Variants in BTBD9 observed in about 807,000 individuals in gnomAD.
BTBD9 encodes BTB domain containing 9, also known as BTB/POZ domain-containing protein 9.
Under a neutral mutation model 64.3 loss-of-function variants are expected in BTBD9, and 49 were observed. The ratio of observed to expected loss-of-function variants is 0.76; its 90% confidence interval spans 0.61 to 0.97. The LOEUF (loss-of-function observed/expected upper bound fraction) is 0.97, where lower values mean the gene tolerates loss of function less well. BTBD9 is among the 50% of genes least tolerant of loss of function. The pLI, the probability that BTBD9 is intolerant of heterozygous loss-of-function variation, is 0.00. For synonymous variants in BTBD9, 260 were observed against 274.7 expected (o/e 0.95, Z 0.53); for missense variants, 598 against 762.1 (o/e 0.78, Z 2.53).
chr6:38,480,083 G>T (rs75049678), intron 6 of BTBD9, among the ~76,000 whole-genome samples: 1 of 152,148 alleles, frequency 6.6e-6, no homozygotes, highest in Non-Finnish European at 1.5e-5. Flanking sequence ...AAGAGAAATA[G>T]AAGGGAAAAA....
At chr6:38,294,025 A>G (rs1762067334) in intron 7 of BTBD9, among the ~76,000 whole-genome samples, 2 of 152,228 alleles carry the variant, frequency 1.3e-5, no homozygotes, top group Admixed American at 1.3e-4. Flanking sequence ...ATGAACAGAC[A>G]CTTCTCAAAA....
intron 9 of BTBD9, among the ~76,000 whole-genome samples, chr6:38,205,896 G>GA (rs1180001207): frequency 4.1e-5 from 4 of 97,388 alleles, no homozygotes; most frequent in Non-Finnish European, 5.9e-5. Flanking sequence ...AAAAAAGAAA[G>GA]AAAGAAAGAA....
chr6:38,439,518 C>G (rs1218620379), intron 6 of BTBD9, among the ~76,000 whole-genome samples: 1 of 151,986 alleles, frequency 6.6e-6, no homozygotes, highest in African/African-American at 2.4e-5. Context: ...CCTCTGCCTC[C>G]CGGGCTCAAG....
At chr6:38,310,455 T>C (rs1392691217) in intron 7 of BTBD9, among the ~76,000 whole-genome samples, 2 of 152,104 alleles carry the variant, frequency 1.3e-5, no homozygotes, top group Non-Finnish European at 2.9e-5. Flanking sequence ...ATATATAATT[T>C]ATACTATGTT....
intron 7 of BTBD9, among the ~76,000 whole-genome samples, chr6:38,302,485 G>GTATGTGTGTGTGTGTATATATATATA (rs1384155514): frequency 6.5e-5 from 7 of 106,890 alleles, no homozygotes; most frequent in African/African-American, 2.5e-4. Context: ...TTGTGTGTAT[G>GTATGTGTGTGTGTGTATATATATATA]TATATATATA....
chr6:38,431,731 T>C (rs1768452551), intron 6 of BTBD9, among the ~76,000 whole-genome samples: 2 of 152,034 alleles, frequency 1.3e-5, no homozygotes, highest in South Asian at 2.1e-4. Flanking sequence ...GACTGATAAA[T>C]GAATAGTGTA....
At chr6:38,256,926 G>T (rs1243626806) in intron 8 of BTBD9, among the ~76,000 whole-genome samples, 1 of 152,124 alleles carries the variant, frequency 6.6e-6, no homozygotes, top group Non-Finnish European at 1.5e-5. Context: ...CTGTCACCCT[G>T]GCTGGAGTGC....
At chr6:38,428,119 G>C (rs909560103) in intron 6 of BTBD9, among the ~76,000 whole-genome samples, 9 of 151,848 alleles carry the variant, frequency 5.9e-5, no homozygotes, top group African/African-American at 2.2e-4. Flanking sequence ...TTGGGTGAGG[G>C]GGATAACAGT....
intron 6 of BTBD9, among the ~76,000 whole-genome samples, chr6:38,351,907 T>C (rs1228195028): frequency 6.6e-6 from 1 of 152,184 alleles, no homozygotes; most frequent in African/African-American, 2.4e-5. Flanking sequence ...GTGCCTTCAG[T>C]GTATGAAATT....
intron 6 of BTBD9, among the ~76,000 whole-genome samples, chr6:38,363,687 T>G (rs77959927): frequency 6.6e-6 from 1 of 152,156 alleles, no homozygotes; most frequent in African/African-American, 2.4e-5. Flanking sequence ...AGGGAAGAGA[T>G]AAAAATATTT....
chr6:38,239,246 C>T (rs1763905502), intron 9 of BTBD9, among the ~76,000 whole-genome samples: 1 of 151,944 alleles, frequency 6.6e-6, no homozygotes, highest in Non-Finnish European at 1.5e-5. Flanking sequence ...TCGAGACCAT[C>T]CTGGCCAACA....
chr6:38,622,922 G>C (rs1183405097), intron 1 of BTBD9, among the ~76,000 whole-genome samples: 1 of 152,110 alleles, frequency 6.6e-6, no homozygotes. Flanking sequence ...CACCACTAAT[G>C]AATGCCTTCT....
intron 8 of BTBD9, among the ~76,000 whole-genome samples, chr6:38,257,042 T>C (rs1764602445): frequency 6.9e-6 from 1 of 145,696 alleles, no homozygotes; most frequent in Non-Finnish European, 1.5e-5. Flanking sequence ...CCTGAGTAGC[T>C]GGGACTATAG....
intron 7 of BTBD9, among the ~76,000 whole-genome samples, chr6:38,296,919 T>C (rs754585719): frequency 7.7e-4 from 117 of 152,226 alleles, no homozygotes; most frequent in Non-Finnish European, 1.3e-3. Flanking sequence ...GTCTAGTACA[T>C]GGCTAATTCT....
intron 1 of BTBD9, among the ~76,000 whole-genome samples, chr6:38,627,789 GCTGA>G (rs1778222539): frequency 6.6e-6 from 1 of 151,928 alleles, no homozygotes; most frequent in Non-Finnish European, 1.5e-5. Flanking sequence ...GATTTATTAG[GCTGA>G]CTTTCATCTC....
At chr6:38,613,187 T>C (rs935556635) in intron 1 of BTBD9, among the ~76,000 whole-genome samples, 3 of 152,260 alleles carry the variant, frequency 2.0e-5, no homozygotes, top group African/African-American at 7.2e-5. Context: ...TCTACTTTTT[T>C]CATCAGAATA....
At chr6:38,576,190 T>C (rs1776023300) in intron 6 of BTBD9, among the ~76,000 whole-genome samples, 1 of 152,214 alleles carries the variant, frequency 6.6e-6, no homozygotes, top group African/African-American at 2.4e-5. Context: ...AGTAATAACC[T>C]GAGTCAATGC....
chr6:38,308,503 T>C (rs1446582354), intron 7 of BTBD9, among the ~76,000 whole-genome samples: 2 of 152,260 alleles, frequency 1.3e-5, no homozygotes, highest in Non-Finnish European at 2.9e-5. Flanking sequence ...CATCTTTTTC[T>C]GTGAGTAGTA....
rs568367237 is a variant in BTBD9 at position 38,594,386 on chromosome 6, T to C, written c.186-59A>G. On this transcript the variant is annotated intron_variant, in intron 2 of 10. Transcript: ENST00000481247. ...CTCAAATAGGATTTGCTACAAAATA[T>C]TGGAAATAACAGTTATCAACATTAT... 18 of 1,506,896 alleles carry C rather than the reference T, an allele frequency of 1.2e-5. No individual in the cohort carries two copies. The Admixed American group carries it at 2.1e-4, about 18-fold the overall frequency. 93.3% of individuals were successfully genotyped at this position (1,506,896 alleles called of 1,614,324 possible). A position where few individuals can be genotyped will look rare whatever the true frequency, so the allele number is the denominator to read the frequency against.
Sources: allele counts gnomAD v4.1 joint callset (sites outside exome capture counted in the v4.1 genomes callset), GRCh38; gene constraint gnomAD v4.1.1; transcripts MANE v1.5; gene names NCBI Gene and HGNC (gene_info 2026-07-23, HGNC 2026-07-21).